The following TP63 variants were observed in gnomAD, a reference collection of about 807,000 sequenced individuals.
The protein encoded by TP63 is tumor protein p63, also known as tumor protein 63.
Under a neutral mutation model 82.8 loss-of-function variants are expected in TP63, and 17 were observed. The ratio of observed to expected loss-of-function variants is 0.21; its 90% CI spans 0.14 to 0.31. The LOEUF is 0.31. TP63 is among the 10% of genes least tolerant of loss of function. TP63 has a pLI of 1.00. For synonymous variants in TP63, 330 were observed against 321.7 expected (o/e 1.03, Z -0.28); for missense variants, 648 against 895.3 (o/e 0.72, Z 3.52).
the TP63 span, among the ~76,000 whole-genome samples, chr3:189,608,718 A>G: frequency 6.6e-6 from 1 of 152,100 alleles, no homozygotes; most frequent in Non-Finnish European, 1.5e-5. Flanking sequence ...TTGTAGCTAG[A>G]GCTCTATTCA....
chr3:189,773,743 T>A (rs181471130), intron 3 of TP63, among the ~76,000 whole-genome samples: 19 of 152,186 alleles, frequency 1.2e-4, no homozygotes, highest in Non-Finnish European at 2.5e-4. Context: ...CTAGTTTATG[T>A]CATGTGAGGG....
intron 10 of TP63, among the ~76,000 whole-genome samples, chr3:189,882,414 G>C (rs1367250550): frequency 1.3e-5 from 2 of 151,660 alleles, no homozygotes; most frequent in Non-Finnish European, 2.9e-5. Context: ...GGCAGTACTG[G>C]GTAAAATTGA....
intron 1 of TP63, among the ~76,000 whole-genome samples, chr3:189,650,487 T>C (rs1712797315): frequency 6.8e-6 from 1 of 146,240 alleles, no homozygotes; most frequent in Non-Finnish European, 1.5e-5. Context: ...GGGGGCAGTT[T>C]CCCCCATCCT....
intron 1 of TP63, among the ~76,000 whole-genome samples, chr3:189,735,704 C>G (rs1164599007): frequency 6.6e-6 from 1 of 152,196 alleles, no homozygotes; most frequent in African/African-American, 2.4e-5. Context: ...AACTGACATG[C>G]TGTAAATTCT....
chr3:189,677,016 T>C (rs1438700069), intron 1 of TP63, among the ~76,000 whole-genome samples: 1 of 149,260 alleles, frequency 6.7e-6, no homozygotes, highest in Non-Finnish European at 1.5e-5. Context: ...GTGTCTATTA[T>C]TCTGCTCTCT....
At chr3:189,682,935 C>T (rs1164031704) in intron 1 of TP63, among the ~76,000 whole-genome samples, 5 of 152,028 alleles carry the variant, frequency 3.3e-5, no homozygotes, top group Admixed American at 6.6e-5. Context: ...TACTAATGAG[C>T]GCTTACATCC....
At chr3:189,596,938 C>T in the TP63 span, among the ~76,000 whole-genome samples, 220 of 152,120 alleles carry the variant, frequency 1.4e-3, 6 homozygotes, top group East Asian at 0.034. Flanking sequence ...CAACTCCAGA[C>T]GCACCGCCTT....
chr3:189,875,611 T>TATATATATATACACAC (rs71175313), intron 10 of TP63, among the ~76,000 whole-genome samples: 3,064 of 76,934 alleles, frequency 0.04, 223 homozygotes, highest in Non-Finnish European at 0.061. Flanking sequence ...TATATATATA[T>TATATATATATACACAC]ATATATATAT....
chr3:189,860,988 C>T (rs1009537502), intron 4 of TP63, among the ~76,000 whole-genome samples: 4 of 152,124 alleles, frequency 2.6e-5, no homozygotes, highest in Admixed American at 2.0e-4. Flanking sequence ...TTTTTTAACC[C>T]GCATCCCCTC....
the TP63 span, among the ~76,000 whole-genome samples, chr3:189,615,473 T>G: frequency 6.6e-6 from 1 of 152,236 alleles, no homozygotes; most frequent in African/African-American, 2.4e-5. Context: ...ACGCATCACA[T>G]TAACATAATT....
chr3:189,606,160 A>T, the TP63 span, among the ~76,000 whole-genome samples: 2 of 152,224 alleles, frequency 1.3e-5, no homozygotes, highest in Admixed American at 1.3e-4. Context: ...TGCAGTTTCC[A>T]GTCTAAATTC....
chr3:189,834,865 G>A (rs1435791096), intron 4 of TP63, among the ~76,000 whole-genome samples: 1 of 147,170 alleles, frequency 6.8e-6, no homozygotes, highest in Non-Finnish European at 1.5e-5. Flanking sequence ...CATAATAGAT[G>A]TTGATTTCAT....
chr3:189,887,748 T>C (rs766703810), intron 11 of TP63, among the ~76,000 whole-genome samples: 1 of 152,178 alleles, frequency 6.6e-6, no homozygotes, highest in East Asian at 1.9e-4. Context: ...CCTAATTATT[T>C]TGATCAAACC....
intron 3 of TP63, among the ~76,000 whole-genome samples, chr3:189,778,607 C>T (rs1723998320): frequency 6.6e-6 from 1 of 152,146 alleles, no homozygotes; most frequent in South Asian, 2.1e-4. Flanking sequence ...TGACCAAGAA[C>T]TTATTATTGT....
At chr3:189,828,309 G>C (rs777005907) in intron 4 of TP63, among the ~76,000 whole-genome samples, 12 of 151,702 alleles carry the variant, frequency 7.9e-5, no homozygotes, top group Non-Finnish European at 1.8e-4. Context: ...GAAAGGAGGT[G>C]AGTGTGGGGT....
chr3:189,777,128 C>G (rs1028023083), intron 3 of TP63, among the ~76,000 whole-genome samples: 1 of 152,166 alleles, frequency 6.6e-6, no homozygotes, highest in African/African-American at 2.4e-5. Flanking sequence ...TCCAACATGT[C>G]TTTCCTACTC....
intron 1 of TP63, among the ~76,000 whole-genome samples, chr3:189,715,128 TTCTCCTCTCC>T (rs1560129650): frequency 2.0e-5 from 3 of 152,106 alleles, no homozygotes; most frequent in Non-Finnish European, 4.4e-5. Flanking sequence ...TTCTCCTCCC[TTCTCCTCTCC>T]TCTCTTTATC....
chr3:189,706,754 A>T (rs1181742395), intron 1 of TP63, among the ~76,000 whole-genome samples: 1 of 152,208 alleles, frequency 6.6e-6, no homozygotes, highest in Non-Finnish European at 1.5e-5. Flanking sequence ...ACCAAGGGAC[A>T]CAGGTTATCA....
At chr3:189,854,309 C>T (rs957111933) in intron 4 of TP63, among the ~76,000 whole-genome samples, 16 of 152,154 alleles carry the variant, frequency 1.1e-4, no homozygotes, top group Admixed American at 1.3e-4. Flanking sequence ...CAGCTCACGG[C>T]GACCCCCGCC....
Sources: gnomAD v4.1 joint callset for allele counts (sites outside exome capture counted in the v4.1 genomes callset) on GRCh38, gnomAD v4.1.1 for gene constraint, MANE v1.5 for transcripts, NCBI Gene and HGNC (gene_info 2026-07-23, HGNC 2026-07-21) for gene names.